PGBD5: variants seen among roughly 807,000 people sequenced by gnomAD.
PGBD5 encodes piggyBac transposable element derived 5.
Under a neutral mutation model 47.9 loss-of-function variants are expected in PGBD5, and 14 were observed. That is an observed-to-expected ratio of 0.29 (90% confidence interval 0.19 to 0.46). The LOEUF (loss-of-function observed/expected upper bound fraction) is 0.46. Ranked by LOEUF, PGBD5 falls within the 20% of genes least tolerant of loss-of-function variation. The pLI is 1.00. For missense variants in PGBD5, 635 were observed against 716.0 expected, an observed-to-expected ratio of 0.89 and a Z score of 1.29; for synonymous variants, 316 against 306.3, an observed-to-expected ratio of 1.03 and a Z score of -0.33.
intron 1 of PGBD5, among the ~76,000 whole-genome samples, chr1:230,414,358 T>TG (rs1174938160): frequency 6.6e-6 from 1 of 152,138 alleles, no homozygotes; most frequent in African/African-American, 2.4e-5. Flanking sequence ...CCTTCAGAAA[T>TG]GGGGGCTGCA....
intron 1 of PGBD5, among the ~76,000 whole-genome samples, chr1:230,398,177 G>A (rs11586459): frequency 6.6e-5 from 10 of 152,172 alleles, no homozygotes; most frequent in African/African-American, 2.2e-4. Flanking sequence ...AGCCTTGCAC[G>A]TCTCATCTTG....
At position 230,337,238 on chromosome 1, in the gene PGBD5, C is replaced by T. The variant is rs570318016; in HGVS notation, c.945G>A (p.Leu315=). ...EGGGPDGLDA[L]KNKPQLHSMV... ...TGCTGTGGAGCTGGGGCTTATTCTT[C>T]AGCGCATCCAGGCCATCTGGGCCCC... The change falls in exon 4 of 7, where the codon CTG becomes CTA. Residue 315 remains leucine, a synonymous_variant. Coordinates refer to ENST00000391860, the MANE Select transcript of PGBD5 (RefSeq NM_001258311.2). 2 of 1,613,960 alleles carry T rather than the reference C, an allele frequency of 1.2e-6. No homozygotes were observed. Among genetic ancestry groups the T allele is most frequent in the Non-Finnish European group, 1.7e-6 (2 of 1,179,990 alleles).
In PGBD5 at chr1:230,381,956, A is replaced by T. The variant is rs1656511401; in HGVS notation, c.332-24635T>A. On this transcript the variant is annotated intron_variant, in intron 1 of 6. Transcript: ENST00000391860. ...GCTCAGCTGCAACCCTTTTCATGAAACTTTTGTCATTCACAGCTTTAAAAA... is the reference window on the plus strand; with the variant it reads ...GCTCAGCTGCAACCCTTTTCATGAATCTTTTGTCATTCACAGCTTTAAAAA... Among the ~76,000 whole-genome samples the T allele has an allele frequency of 8.6e-5, 13 of 151,876 alleles. No individual in the cohort carries two copies. In the South Asian group the frequency reaches 2.7e-3, roughly 32 times the overall value.
At chr1:230,341,064 T>C (rs978097188) in intron 3 of PGBD5, among the ~76,000 whole-genome samples, 1 of 152,186 alleles carries the variant, frequency 6.6e-6, no homozygotes, top group African/African-American at 2.4e-5. Flanking sequence ...GGAAGAAGGA[T>C]GCAGCCAAGA....
At chr1:230,381,838 C>T (rs933102960) in intron 1 of PGBD5, among the ~76,000 whole-genome samples, 2 of 152,078 alleles carry the variant, frequency 1.3e-5, no homozygotes, top group African/African-American at 4.8e-5. Context: ...CCCCAGCATG[C>T]TGGGATCACT....
At chr1:230,332,749 CCA>C in intron 5 of PGBD5, 93 bp downstream of exon 5, 1 of 1,432,072 alleles carries the variant, frequency 7.0e-7, no homozygotes, top group Non-Finnish European at 9.7e-7. Context: ...GCAGCACAGC[CCA>C]CAGTGGACGC....
chr1:230,351,174 C>A, intron 2 of PGBD5, 82 bp from the exon 3 acceptor site: 2 of 1,436,688 alleles, frequency 1.4e-6, no homozygotes, highest in Non-Finnish European at 1.8e-6. Context: ...CAAATTCAGC[C>A]TCTGCATTTG....
chr1:230,383,764 G>T (rs2102727671), intron 1 of PGBD5, among the ~76,000 whole-genome samples: 1 of 152,292 alleles, frequency 6.6e-6, no homozygotes, highest in Admixed American at 6.5e-5. Flanking sequence ...CTTCTGAAGG[G>T]GCCTGAGCCC....
At chr1:230,424,488 G>A (rs1289039811) in intron 1 of PGBD5, among the ~76,000 whole-genome samples, 3 of 152,206 alleles carry the variant, frequency 2.0e-5, no homozygotes, top group South Asian at 2.1e-4. Context: ...TAACCCTACC[G>A]GCCTCCCAGC....
intron 1 of PGBD5, among the ~76,000 whole-genome samples, chr1:230,423,740 G>A (rs1485353698): frequency 6.6e-6 from 1 of 152,076 alleles, no homozygotes; most frequent in Admixed American, 6.5e-5. Context: ...TCCCACACAG[G>A]GCAGGAAAAC....
At position 230,357,416 on chromosome 1, in the gene PGBD5, G is replaced by A. The variant is rs756715872; in HGVS notation, c.332-95C>T. On this transcript the variant is annotated intron_variant, in intron 1 of 6. Coordinates refer to ENST00000391860, the MANE Select transcript of PGBD5 (RefSeq NM_001258311.2). The surrounding 1 kb of genome is among the most constrained non-coding windows in gnomAD (Gnocchi z 5.7). ...TGCATTTCCAATCCCTGGGTCCCTG[G>A]CCGAGTGCCCCCGCTGCCTCCAGTG... The A allele has an allele frequency of 1.2e-4, 171 of 1,374,942 alleles. 1 individual carries two copies. The highest frequency in any genetic ancestry group is 1.5e-4 in the Non-Finnish European group (146 of 1,006,360). 85.2% of individuals were successfully genotyped at this position (1,374,942 alleles called of 1,614,324 possible).
rs542637680 is a variant in PGBD5, at chr1:230,362,144, C to T, written c.332-4823G>A. 1,164 of 1,188,416 alleles carry T rather than the reference C, an allele frequency of 9.8e-4. 2 individuals are homozygous for T. The highest frequency in any genetic ancestry group is 1.2e-3 in the Non-Finnish European group (1,105 of 926,172). The allele number at this position is 1,188,416 out of a possible 1,614,324, so 73.6% of individuals were successfully genotyped here. Reference sequence around the variant, plus strand: ...AGCCAGTGAAGGGCTGTGAGCACCACGTGACCATGCTCTTGCAACTTCAGC... The same window carrying T: ...AGCCAGTGAAGGGCTGTGAGCACCATGTGACCATGCTCTTGCAACTTCAGC... On this transcript the variant is annotated intron_variant, in intron 1 of 6. Coordinates refer to ENST00000391860, the MANE Select transcript of PGBD5 (RefSeq NM_001258311.2).
intron 1 of PGBD5, chr1:230,362,319 GA>G (rs745511211): frequency 1.8e-5 from 25 of 1,367,810 alleles, no homozygotes; most frequent in Non-Finnish European, 2.4e-5. Flanking sequence ...AGGGCACGAG[GA>G]ATGGATTATA....
chr1:230,401,756 C>T (rs1657144161), intron 1 of PGBD5, among the ~76,000 whole-genome samples: 1 of 152,234 alleles, frequency 6.6e-6, no homozygotes, highest in Non-Finnish European at 1.5e-5. Context: ...ACTGGGCTTC[C>T]TTTCCTGGGG....
chr1:230,367,570 C>T (rs190139121), intron 1 of PGBD5, among the ~76,000 whole-genome samples: 26 of 152,234 alleles, frequency 1.7e-4, no homozygotes, highest in Non-Finnish European at 3.4e-4. Flanking sequence ...TGGTGGCACA[C>T]GCCTATAATC....
chr1:230,415,782 C>T (rs1244778699), intron 1 of PGBD5, among the ~76,000 whole-genome samples: 1 of 152,204 alleles, frequency 6.6e-6, no homozygotes, highest in Non-Finnish European at 1.5e-5. Flanking sequence ...CAATGATCAT[C>T]TTTGGTTCAG....
rs1666965854 is a variant in PGBD5, at chr1:230,317,387, G to T, written c.*6038C>A. On this transcript the variant is annotated 3_prime_UTR_variant, in exon 7 of 7. Coordinates refer to ENST00000391860, the MANE Select transcript of PGBD5 (RefSeq NM_001258311.2). Reference sequence around the variant, plus strand: ...TTCCCATCACAAAAGGGGGACCGATGGTTGTCAGCTCCCAGGGCAATGCTG... The same window carrying T: ...TTCCCATCACAAAAGGGGGACCGATTGTTGTCAGCTCCCAGGGCAATGCTG... 2 of 152,198 alleles carry T rather than the reference G, an allele frequency of 1.3e-5. No individual in the cohort carries two copies. The highest frequency in any genetic ancestry group is 4.8e-5 in the African/African-American group (2 of 41,424). 9.4% of individuals were successfully genotyped at this position (152,198 alleles called of 1,614,324 possible).
intron 1 of PGBD5, among the ~76,000 whole-genome samples, chr1:230,386,083 T>C (rs1418042467): frequency 1.3e-5 from 2 of 152,138 alleles, no homozygotes; most frequent in African/African-American, 4.8e-5. Flanking sequence ...TCCCAGCACT[T>C]TGGGAGGCCA....
At chr1:230,355,160 G>A (rs1667616982) in intron 2 of PGBD5, among the ~76,000 whole-genome samples, 2 of 152,166 alleles carry the variant, frequency 1.3e-5, no homozygotes, top group African/African-American at 2.4e-5. Context: ...TGCTAAGGAG[G>A]CAGAGTTGCT....
Sources: allele counts gnomAD v4.1 joint callset (sites outside exome capture counted in the v4.1 genomes callset), GRCh38; gene constraint gnomAD v4.1.1; non-coding constraint Gnocchi (gnomAD v3.1); transcripts MANE v1.5; gene names NCBI Gene and HGNC (gene_info 2026-07-23, HGNC 2026-07-21).